BMPR1B: variants seen among roughly 807,000 people sequenced by gnomAD.
BMPR1B encodes the protein bone morphogenetic protein receptor type-1B.
BMPR1B carries 12 observed loss-of-function variants against 59.1 expected under a neutral mutation model. That is an observed-to-expected ratio of 0.20 (90% CI 0.13 to 0.33). The LOEUF is 0.33. BMPR1B is among the 10% of genes least tolerant of loss of function. BMPR1B has a pLI of 1.00. For missense variants in BMPR1B, 550 were observed against 610.9 expected (o/e 0.90, Z 1.05); for synonymous variants, 237 against 207.3 (o/e 1.14, Z -1.23).
At chr4:94,780,249 A>G (rs1240765196) in intron 1 of BMPR1B, among the ~76,000 whole-genome samples, 2 of 152,192 alleles carry the variant, frequency 1.3e-5, no homozygotes, top group Admixed American at 6.5e-5. Flanking sequence ...TATTTTAGAC[A>G]TTCCGTAAAA....
chr4:94,871,732 A>G (rs1157247630), intron 1 of BMPR1B, among the ~76,000 whole-genome samples: 1 of 152,218 alleles, frequency 6.6e-6, no homozygotes, highest in Non-Finnish European at 1.5e-5. Context: ...TGATTGCTCC[A>G]GTAAGGATAC....
At chr4:95,106,230 T>A (rs1390062058) in intron 4 of BMPR1B, among the ~76,000 whole-genome samples, 1 of 151,946 alleles carries the variant, frequency 6.6e-6, no homozygotes, top group Admixed American at 6.6e-5. Flanking sequence ...ATTAAGAACG[T>A]GATCTTATTC....
At position 95,070,512 on chromosome 4, in the gene BMPR1B, T is replaced by G. The variant is rs183633456; in HGVS notation, c.-17-33896T>G. Among the ~76,000 whole-genome samples, 334 of 152,248 alleles carry G rather than the reference T, an allele frequency of 2.2e-3. 1 individual carries two copies. The highest frequency in any genetic ancestry group is 7.8e-3 in the African/African-American group (326 of 41,550). On this transcript the variant is annotated intron_variant, in intron 3 of 12. Transcript: ENST00000515059. ...TGAAAAAGAAGAGTAACTTCAGAGTTTGTTGAGTTTGACATATAAACAAGA... is the reference window on the plus strand; with the variant it reads ...TGAAAAAGAAGAGTAACTTCAGAGTGTGTTGAGTTTGACATATAAACAAGA...
At chr4:94,900,282 A>C (rs2148999140) in intron 2 of BMPR1B, among the ~76,000 whole-genome samples, 1 of 150,750 alleles carries the variant, frequency 6.6e-6, no homozygotes, top group South Asian at 2.1e-4. Context: ...AATTAGCTGG[A>C]TGGTGTATTT....
intron 3 of BMPR1B, among the ~76,000 whole-genome samples, chr4:95,015,941 T>G (rs918908011): frequency 4.6e-5 from 7 of 152,178 alleles, no homozygotes; most frequent in Non-Finnish European, 1.0e-4. Flanking sequence ...TCCGCCCGCC[T>G]TGGCTTCCCA....
chr4:95,054,073 A>G (rs765597946), intron 3 of BMPR1B, among the ~76,000 whole-genome samples: 2 of 152,226 alleles, frequency 1.3e-5, no homozygotes, highest in African/African-American at 4.8e-5. Context: ...TCTTACATCC[A>G]TATTTAAAAT....
chr4:94,829,470 G>A (rs1271990414), intron 1 of BMPR1B, among the ~76,000 whole-genome samples: 3 of 151,754 alleles, frequency 2.0e-5, no homozygotes, highest in Non-Finnish European at 4.4e-5. Flanking sequence ...TTGCTACATT[G>A]CCCTGACTGG....
intron 2 of BMPR1B, among the ~76,000 whole-genome samples, chr4:94,993,522 G>A (rs1721873550): frequency 6.6e-6 from 1 of 151,980 alleles, no homozygotes; most frequent in African/African-American, 2.4e-5. Context: ...CACTTTGGGA[G>A]GCCGAGGTGA....
chr4:94,780,283 C>T (rs951580811), intron 1 of BMPR1B, among the ~76,000 whole-genome samples: 1 of 152,096 alleles, frequency 6.6e-6, no homozygotes, highest in Non-Finnish European at 1.5e-5. Flanking sequence ...TATGAGATCT[C>T]TGGTGACTGG....
At chr4:95,011,249 C>T (rs1343966391) in intron 3 of BMPR1B, among the ~76,000 whole-genome samples, 1 of 151,968 alleles carries the variant, frequency 6.6e-6, no homozygotes, top group Non-Finnish European at 1.5e-5. Flanking sequence ...CACCCTCCAC[C>T]CTCAGGTAGA....
chr4:95,137,889 G>C (rs185182490), intron 10 of BMPR1B, among the ~76,000 whole-genome samples: 1 of 152,098 alleles, frequency 6.6e-6, no homozygotes, highest in Non-Finnish European at 1.5e-5. Context: ...TTTAATTGGA[G>C]CATTCAGCCC....
intron 2 of BMPR1B, among the ~76,000 whole-genome samples, chr4:94,935,403 G>A (rs1729253817): frequency 1.3e-5 from 2 of 152,112 alleles, no homozygotes; most frequent in African/African-American, 4.8e-5. Flanking sequence ...AATATGTGTT[G>A]TGCACATGCC....
chr4:94,773,317 C>T (rs983998313), intron 1 of BMPR1B, among the ~76,000 whole-genome samples: 2 of 152,028 alleles, frequency 1.3e-5, no homozygotes. Context: ...ACTGTTTCAT[C>T]TTTGTATCTT....
chr4:94,965,873 A>G (rs1231005261), intron 2 of BMPR1B, among the ~76,000 whole-genome samples: 2 of 152,196 alleles, frequency 1.3e-5, no homozygotes, highest in East Asian at 1.9e-4. Context: ...ATTTAAAGCA[A>G]CAACACTGTG....
intron 2 of BMPR1B, among the ~76,000 whole-genome samples, chr4:94,912,050 T>A (rs932365006): frequency 2.6e-5 from 4 of 152,008 alleles, no homozygotes; most frequent in Non-Finnish European, 1.5e-5. Context: ...GAAGAGCACA[T>A]CCTGTCTTAC....
At chr4:95,113,813 T>C (rs1731804268) in intron 4 of BMPR1B, among the ~76,000 whole-genome samples, 3 of 152,158 alleles carry the variant, frequency 2.0e-5, no homozygotes, top group Admixed American at 1.3e-4. Flanking sequence ...CATAACTGTT[T>C]GTTCTTTGAT....
Position 94,935,282 on chromosome 4 carries a change from G to C in BMPR1B, c.-113+59382G>C, listed in dbSNP as rs546268516. Among the ~76,000 whole-genome samples, 4 of 152,090 alleles carry C rather than the reference G, an allele frequency of 2.6e-5. No individual in the cohort carries two copies. In the East Asian group the frequency reaches 7.7e-4, roughly 29 times the overall value. On this transcript the variant is annotated intron_variant, in intron 2 of 12. Transcript: ENST00000515059. ...AATTTATGGAATATATATGTCTCTG[G>C]ATCTTGTGAACTCATGGAGGTACCA...
At chr4:94,918,679 G>GT (rs1728577311) in intron 2 of BMPR1B, among the ~76,000 whole-genome samples, 1 of 137,242 alleles carries the variant, frequency 7.3e-6, no homozygotes, top group African/African-American at 3.0e-5. Context: ...GTAAGACACT[G>GT]TTTAAAAAAA....
At chr4:94,970,302 T>TCTCTCTCTC (rs70946573) in intron 2 of BMPR1B, among the ~76,000 whole-genome samples, 2 of 92,766 alleles carry the variant, frequency 2.2e-5, no homozygotes, top group African/African-American at 4.8e-5. Context: ...TTCTCTTCTC[T>TCTCTCTCTC]TCTTTCTCTC....
Sources: allele counts gnomAD v4.1 joint callset (sites outside exome capture counted in the v4.1 genomes callset), GRCh38; gene constraint gnomAD v4.1.1; transcripts MANE v1.5; gene names NCBI Gene and HGNC (gene_info 2026-07-23, HGNC 2026-07-21).